The following AKAP7 variants were observed in gnomAD, a reference collection of about 807,000 sequenced individuals.
AKAP7 encodes the protein A kinase (PRKA) anchor protein 7.
In AKAP7, 39 loss-of-function variants were observed where a neutral mutation model predicts 39.5. The ratio of observed to expected loss-of-function variants is 0.99; its 90% CI spans 0.76 to 1.29. AKAP7 has a LOEUF of 1.29. Ranked by LOEUF, AKAP7 falls within the 50% of genes most tolerant of loss-of-function variation. The pLI is 0.00. For missense variants in AKAP7, 414 were observed against 407.7 expected (o/e 1.02, Z -0.13); for synonymous variants, 140 against 139.1 (o/e 1.01, Z -0.05).
chr6:131,255,305 T>A (rs879062625), intron 7 of AKAP7, among the ~76,000 whole-genome samples: 2 of 152,176 alleles, frequency 1.3e-5, no homozygotes, highest in Admixed American at 1.3e-4. Context: ...GATACACATT[T>A]CTTGTGAGTG....
At chr6:131,146,702 T>C (rs1801515352) in intron 2 of AKAP7, among the ~76,000 whole-genome samples, 1 of 152,200 alleles carries the variant, frequency 6.6e-6, no homozygotes, top group Non-Finnish European at 1.5e-5. Flanking sequence ...TGACTAGGGC[T>C]CTGTGGCATA....
At chr6:131,150,103 AC>A (rs1801798949) in intron 2 of AKAP7, among the ~76,000 whole-genome samples, 1 of 152,140 alleles carries the variant, frequency 6.6e-6, no homozygotes, top group Non-Finnish European at 1.5e-5. Flanking sequence ...ACAGGTATGC[AC>A]CACTATGCCT....
chr6:131,241,577 ATGTGTGTGTGTGTG>A lies in AKAP7; in HGVS notation c.850+21807_850+21820del, dbSNP rs749601887. ...GAGGTCCAGGACATAGATTATATAT[ATGTGTGTGTGTGTG>A]TGTGTGTGTGTGTGTGTGTGTGTGT... On this transcript the variant is annotated intron_variant, in intron 7 of 7. Coordinates refer to ENST00000431975, the MANE Select transcript of AKAP7 (RefSeq NM_016377.4). 4.7e-4 allele frequency among the ~76,000 whole-genome samples: 38 copies of A among 81,296 alleles called. 1 individual carries two copies. The highest frequency in any genetic ancestry group is 8.6e-4 in the South Asian group (2 of 2,326). The allele number at this position is 81,296 out of a possible 152,430, so 53.3% of individuals were successfully genotyped here. A position where few individuals can be genotyped will look rare whatever the true frequency, so the allele number is the denominator to read the frequency against.
chr6:131,242,066 G>T, intron 7 of AKAP7: 2 of 982,080 alleles, frequency 2.0e-6, no homozygotes, highest in Non-Finnish European at 2.4e-6. Flanking sequence ...GTATCTGACC[G>T]TAATATGTTT....
intron 7 of AKAP7, among the ~76,000 whole-genome samples, chr6:131,232,977 T>C (rs1015969231): frequency 1.3e-5 from 2 of 151,162 alleles, no homozygotes; most frequent in Admixed American, 6.6e-5. Context: ...CTTATTGGCG[T>C]GTGATCAACA....
chr6:131,132,291 C>T (rs1302747675), upstream of AKAP7, among the ~76,000 whole-genome samples: 1 of 145,984 alleles, frequency 6.9e-6, no homozygotes, highest in East Asian at 2.1e-4. Flanking sequence ...CCAGCCTGGG[C>T]GACAGAGCGA....
chr6:131,140,982 A>G (rs534325857), intron 1 of AKAP7, among the ~76,000 whole-genome samples: 2 of 152,362 alleles, frequency 1.3e-5, no homozygotes, highest in South Asian at 4.1e-4. Context: ...ACACCTGTGT[A>G]TGAGGCATTC....
intron 7 of AKAP7, among the ~76,000 whole-genome samples, chr6:131,248,982 C>G (rs1812239238): frequency 1.3e-5 from 2 of 152,108 alleles, no homozygotes; most frequent in African/African-American, 4.8e-5. Flanking sequence ...TTATAATGTT[C>G]ATTGTATGAT....
intron 7 of AKAP7, among the ~76,000 whole-genome samples, chr6:131,246,668 G>T (rs1812030841): frequency 6.6e-6 from 1 of 152,120 alleles, no homozygotes; most frequent in Non-Finnish European, 1.5e-5. Context: ...ACAGTGCTAG[G>T]CTCCAGCCCC....
intron 1 of AKAP7, among the ~76,000 whole-genome samples, chr6:131,138,525 G>C (rs1028346841): frequency 6.6e-6 from 1 of 152,198 alleles, no homozygotes; most frequent in Non-Finnish European, 1.5e-5. Context: ...GCAGTAAGAA[G>C]AACATCGGAA....
At chr6:131,159,383 G>C (rs936597173) in intron 2 of AKAP7, among the ~76,000 whole-genome samples, 2 of 152,130 alleles carry the variant, frequency 1.3e-5, no homozygotes, top group African/African-American at 4.8e-5. Context: ...GTGAGCCACC[G>C]AGCCTGGCCA....
intron 6 of AKAP7, among the ~76,000 whole-genome samples, chr6:131,208,960 TC>T (rs897705611): frequency 6.6e-6 from 1 of 152,220 alleles, no homozygotes; most frequent in African/African-American, 2.4e-5. Context: ...GTCACATGGT[TC>T]CTTCTGAGTG....
intron 7 of AKAP7, among the ~76,000 whole-genome samples, chr6:131,271,198 A>G (rs1383643953): frequency 6.6e-6 from 1 of 152,122 alleles, no homozygotes; most frequent in African/African-American, 2.4e-5. Flanking sequence ...ATACTTACAA[A>G]GCTCTCGTAT....
chr6:131,269,314 C>G (rs1814080204), intron 7 of AKAP7, among the ~76,000 whole-genome samples: 1 of 152,190 alleles, frequency 6.6e-6, no homozygotes, highest in Non-Finnish European at 1.5e-5. Context: ...CCGCCAAGTG[C>G]TGGGATTACA....
chr6:131,265,416 G>A (rs1034260654), intron 7 of AKAP7, among the ~76,000 whole-genome samples: 4 of 152,098 alleles, frequency 2.6e-5, no homozygotes, highest in Non-Finnish European at 2.9e-5. Context: ...ATTGCAGGCA[G>A]CTTTATATGA....
At chr6:131,165,418 G>C (rs1383459092) in intron 4 of AKAP7, among the ~76,000 whole-genome samples, 1 of 152,090 alleles carries the variant, frequency 6.6e-6, no homozygotes, top group African/African-American at 2.4e-5. Context: ...TGGTTATCAA[G>C]TGGTAGCCCT....
chr6:131,279,979 C>G (rs1264890128), intron 7 of AKAP7, among the ~76,000 whole-genome samples: 1 of 152,140 alleles, frequency 6.6e-6, no homozygotes, highest in Non-Finnish European at 1.5e-5. Context: ...GATAAAATCC[C>G]TAAATATTAG....
intron 5 of AKAP7, among the ~76,000 whole-genome samples, chr6:131,175,771 C>T (rs988797279): frequency 1.5e-4 from 23 of 152,288 alleles, no homozygotes; most frequent in African/African-American, 5.5e-4. Flanking sequence ...ATGGAACATC[C>T]TCCTTTCTGA....
intron 2 of AKAP7, among the ~76,000 whole-genome samples, chr6:131,150,003 G>A (rs1801790083): frequency 6.6e-6 from 1 of 152,124 alleles, no homozygotes; most frequent in Non-Finnish European, 1.5e-5. Flanking sequence ...AATTTATTTA[G>A]GGATGGGATC....
Sources: gnomAD v4.1 joint callset for allele counts (sites outside exome capture counted in the v4.1 genomes callset) on GRCh38, gnomAD v4.1.1 for gene constraint, MANE v1.5 for transcripts, NCBI Gene and HGNC (gene_info 2026-07-23, HGNC 2026-07-21) for gene names.